The following PC variants were observed in gnomAD, a reference collection of about 807,000 sequenced individuals.
PC encodes pyruvate carboxylase.
A neutral mutation model predicts 107.8 loss-of-function variants in PC; 46 were observed. The ratio of observed to expected loss-of-function variants is 0.43; its 90% CI spans 0.34 to 0.55. PC has a LOEUF of 0.55. PC is among the 20% of genes least tolerant of loss of function. The pLI is 0.04. For missense variants in PC, 1,241 were observed against 1,643.1 expected (o/e 0.76, Z 4.23); for synonymous variants, 662 against 684.7 (o/e 0.97, Z 0.52).
intron 3 of PC, among the ~76,000 whole-genome samples, chr11:66,874,246 C>G (rs982946683): frequency 6.6e-6 from 1 of 152,188 alleles, no homozygotes; most frequent in African/African-American, 2.4e-5. Context: ...AGGTGTGAAC[C>G]ACCACGCCTG....
At chr11:66,913,054 G>A (rs192796015) in intron 3 of PC, among the ~76,000 whole-genome samples, 7 of 152,120 alleles carry the variant, frequency 4.6e-5, no homozygotes, top group African/African-American at 7.2e-5. Flanking sequence ...GTAAAACAAC[G>A]TGAAACCCGG....
rs1307051902 is a variant in PC, at chr11:66,901,488, G to A, written c.1-29329C>T. ...AAGGCTATTTATTTATTTTTTTTTG[G>A]AGACAGAGTCCCGCTCTGTCACCCA... On this transcript the variant is annotated intron_variant, in intron 3 of 22. Transcript: ENST00000393960. Among the ~76,000 whole-genome samples, 8 of 151,406 alleles carry A rather than the reference G, an allele frequency of 5.3e-5. No homozygotes were observed. The South Asian group carries it at 8.4e-4, about 16-fold the overall frequency.
At chr11:66,855,052 T>C (rs1034240382) in intron 12 of PC, among the ~76,000 whole-genome samples, 6 of 152,256 alleles carry the variant, frequency 3.9e-5, no homozygotes, top group Non-Finnish European at 7.3e-5. Context: ...CTGAGGAACC[T>C]GCACGGGCAG....
chr11:66,911,975 G>C (rs1298030339), intron 3 of PC, among the ~76,000 whole-genome samples: 1 of 151,460 alleles, frequency 6.6e-6, no homozygotes, highest in Non-Finnish European at 1.5e-5. Flanking sequence ...AGAGGTTGTG[G>C]TGAGCCAAAA....
Position 66,852,133 on chromosome 11 carries a change from G to C in PC, c.1826-187C>G, listed in dbSNP as rs1294118200. Among the ~76,000 whole-genome samples the C allele has an allele frequency of 6.6e-6, 1 of 152,194 alleles. No individual in the cohort carries two copies. Among genetic ancestry groups the C allele is most frequent in the Non-Finnish European group, 1.5e-5 (1 of 68,030 alleles). The stretch of plus-strand genomic sequence containing the variant: ...TGTCTGATCTCTAAGGGGGAGACCA[G>C]GCTCATTTGTGTCCCTTCTATGCCC... On this transcript the variant is annotated intron_variant, in intron 15 of 22. Transcript: ENST00000393960. This position sits in a 1 kb window ranked among gnomAD's most constrained non-coding sequence, Gnocchi z 4.7.
Position 66,870,830 on chromosome 11 carries a change from C to A in PC, c.696G>T (p.Ala232=). The A allele has an allele frequency of 1.9e-6, 3 of 1,613,710 alleles. No homozygotes were observed. The highest frequency in any genetic ancestry group is 2.5e-6 in the Non-Finnish European group (3 of 1,179,994). ...SEALAAFGNG[A]LFVEKFIEKP... The stretch of plus-strand genomic sequence containing the variant: ...TCTCGATGAACTTCTCCACAAACAG[C>A]GCCCCATTCCCAAAGGCGGCCAGAG... The change falls in exon 8 of 23, where the codon GCG becomes GCT. Residue 232 remains alanine, a synonymous_variant. Coordinates refer to ENST00000393960, the MANE Select transcript of PC (RefSeq NM_001040716.2). The surrounding 1 kb of genome is among the most constrained non-coding windows in gnomAD (Gnocchi z 6.1).
At chr11:66,916,576 G>A (rs191119762) in intron 3 of PC, among the ~76,000 whole-genome samples, 1 of 152,320 alleles carries the variant, frequency 6.6e-6, no homozygotes, top group East Asian at 1.9e-4. Context: ...ACAGAGCAGT[G>A]ATCCAAGAAG....
chr11:66,919,126 T>C (rs1948532845), intron 3 of PC, among the ~76,000 whole-genome samples: 1 of 152,150 alleles, frequency 6.6e-6, no homozygotes, highest in Admixed American at 6.6e-5. Context: ...TTTCAAATTC[T>C]CTCTTCAAGC....
chr11:66,859,195 A>G, intron 12 of PC: 5 of 1,356,884 alleles, frequency 3.7e-6, no homozygotes, highest in Non-Finnish European at 4.9e-6. Flanking sequence ...TCTGGGGCTG[A>G]CACCCCCTCC....
At chr11:66,872,275 C>T in intron 3 of PC, 116 bp from the exon 4 acceptor site, 2 of 1,205,298 alleles carry the variant, frequency 1.7e-6, no homozygotes, top group Admixed American at 4.0e-5. Context: ...GCACCATCTA[C>T]CTCCTGATGC....
At chr11:66,934,941 C>T (rs1229392996) in intron 3 of PC, among the ~76,000 whole-genome samples, 2 of 152,298 alleles carry the variant, frequency 1.3e-5, no homozygotes, top group African/African-American at 4.8e-5. Context: ...TCTCACCTGG[C>T]ACAGAAGCAG....
At chr11:66,941,977 C>T (rs1949143385) in intron 3 of PC, among the ~76,000 whole-genome samples, 2 of 152,004 alleles carry the variant, frequency 1.3e-5, no homozygotes, top group Non-Finnish European at 2.9e-5. Context: ...TGGCACATGC[C>T]TGTAATCCCA....
Position 66,848,672 on chromosome 11 carries a change from AC to A in PC, c.*226del, listed in dbSNP as rs1945290629. ...ACTTGTAGTCTCCAGTGAGGAGGGGACCCTTATTTGGCAAGAGATGAACATG... is the reference window on the plus strand; with the variant it reads ...ACTTGTAGTCTCCAGTGAGGAGGGGACCTTATTTGGCAAGAGATGAACATG... On this transcript the variant is annotated 3_prime_UTR_variant, in exon 23 of 23. Transcript: ENST00000393960. 1.6e-6 allele frequency: 1 copy of A among 630,420 alleles called. No homozygotes were observed. Among genetic ancestry groups the A allele is most frequent in the Non-Finnish European group, 2.8e-6 (1 of 356,296 alleles). 39.1% of individuals were successfully genotyped at this position (630,420 alleles called of 1,614,324 possible).
chr11:66,934,186 TGA>T (rs535495804), intron 3 of PC, among the ~76,000 whole-genome samples: 48 of 152,250 alleles, frequency 3.2e-4, no homozygotes, highest in African/African-American at 1.1e-3. Context: ...TCCACCCACC[TGA>T]GAGAGTCCCC....
chr11:66,898,610 G>A (rs913611615), intron 3 of PC, among the ~76,000 whole-genome samples: 1 of 152,176 alleles, frequency 6.6e-6, no homozygotes, highest in African/African-American at 2.4e-5. Flanking sequence ...AACCCAGGAG[G>A]TGGAGGTCGC....
rs116094583 is a variant in PC at position 66,867,379 on chromosome 11, A to C, written c.1023-1030T>G. Among the ~76,000 whole-genome samples the C allele has an allele frequency of 9.2e-3, 1,404 of 152,104 alleles. 27 individuals carry two copies. Among genetic ancestry groups the C allele is most frequent in the African/African-American group, 0.031 (1,298 of 41,502 alleles). On this transcript the variant is annotated intron_variant, in intron 10 of 22. Coordinates refer to ENST00000393960, the MANE Select transcript of PC (RefSeq NM_001040716.2). Reference sequence around the variant, plus strand: ...CCAGCCTGGGTGACAGAGCAAGACTATGTCTTAAAAAAAACCACTCAAGGT... The same window carrying C: ...CCAGCCTGGGTGACAGAGCAAGACTCTGTCTTAAAAAAAACCACTCAAGGT...
rs1389111970 is a variant in PC at position 66,850,488 on chromosome 11, G to A, written c.2474-24C>T. The A allele has an allele frequency of 2.5e-6, 4 of 1,613,592 alleles. No individual in the cohort carries two copies. In the Admixed American group the frequency reaches 5.0e-5, roughly 20 times the overall value. ...CTCTGCAGGGAGGCCAGAGTCAGAG[G>A]AGGCCTTAGAAATGTGTGACTCTTC... On this transcript the variant is annotated intron_variant, in intron 18 of 22. Coordinates refer to ENST00000393960, the MANE Select transcript of PC (RefSeq NM_001040716.2).
At chr11:66,941,278 T>C (rs763843750) in intron 3 of PC, among the ~76,000 whole-genome samples, 12 of 151,938 alleles carry the variant, frequency 7.9e-5, no homozygotes, top group Non-Finnish European at 1.6e-4. Flanking sequence ...ATGTGGAAAA[T>C]AGCATAGCAG....
intron 3 of PC, among the ~76,000 whole-genome samples, chr11:66,931,451 G>A (rs895109832): frequency 1.3e-5 from 2 of 151,634 alleles, no homozygotes; most frequent in Non-Finnish European, 2.9e-5. Context: ...GGAACATAGG[G>A]GGCTTATATG....
Sources: allele counts gnomAD v4.1 joint callset (sites outside exome capture counted in the v4.1 genomes callset), GRCh38; gene constraint gnomAD v4.1.1; non-coding constraint Gnocchi (gnomAD v3.1); transcripts MANE v1.5; gene names NCBI Gene and HGNC (gene_info 2026-07-23, HGNC 2026-07-21).